Variants in RBFOX1 observed in about 807,000 individuals in gnomAD.
The protein encoded by RBFOX1 is RNA binding protein fox-1 homolog 1.
RBFOX1 carries 8 observed loss-of-function variants against 57.7 expected under a neutral mutation model. The ratio of observed to expected loss-of-function variants is 0.14; its 90% confidence interval spans 0.08 to 0.25. RBFOX1 has a LOEUF of 0.25. Among genes scored for constraint, RBFOX1 ranks in the 10% least tolerant of loss-of-function variants. The pLI is 1.00. For missense variants in RBFOX1, 611 were observed against 548.5 expected, an observed-to-expected ratio of 1.11 and a Z score of -1.14; for synonymous variants, 326 against 222.4, an observed-to-expected ratio of 1.47 and a Z score of -4.15.
At chr16:6,504,197 G>A (rs1236825115) in intron 2 of RBFOX1, among the ~76,000 whole-genome samples, 1 of 152,170 alleles carries the variant, frequency 6.6e-6, no homozygotes, top group African/African-American at 2.4e-5. Context: ...AGCTGTGCAA[G>A]CCTGCATGAT....
intron 1 of RBFOX1, among the ~76,000 whole-genome samples, chr16:6,124,087 C>A (rs544224019): frequency 1.3e-5 from 2 of 152,140 alleles, no homozygotes; most frequent in African/African-American, 2.4e-5. Flanking sequence ...ACTGGTAACT[C>A]GTGGGCTGGA....
intron 4 of RBFOX1, among the ~76,000 whole-genome samples, chr16:7,179,444 GCCT>G (rs2152511005): frequency 6.6e-6 from 1 of 152,118 alleles, no homozygotes; most frequent in Non-Finnish European, 1.5e-5. Context: ...AATTTGTCTG[GCCT>G]CCTCTTGAAC....
rs949781695 is a variant in RBFOX1, at chr16:5,836,298, G to C, written c.319-31005G>C. Among the ~76,000 whole-genome samples, 9 of 152,258 alleles carry C rather than the reference G, an allele frequency of 5.9e-5. No individual in the cohort carries two copies. The East Asian group carries it at 1.4e-3, about 23-fold the overall frequency. On this transcript the variant is annotated intron_variant, in intron 3 of 19. Transcript: ENST00000641259. The stretch of plus-strand genomic sequence containing the variant: ...AAGTCCAGGTAGACAGGCAGGGCAC[G>C]AGAAGTTTAGTGCAGAAAGGAAGCT...
At chr16:5,575,905 C>T (rs2046436754) in intron 2 of RBFOX1, among the ~76,000 whole-genome samples, 1 of 151,242 alleles carries the variant, frequency 6.6e-6, no homozygotes, top group Admixed American at 6.6e-5. Context: ...GCAAATGGGT[C>T]ACGCATGTTT....
At chr16:5,759,467 C>G (rs1183137234) in intron 3 of RBFOX1, among the ~76,000 whole-genome samples, 3 of 152,248 alleles carry the variant, frequency 2.0e-5, no homozygotes, top group Admixed American at 6.5e-5. Context: ...TGCCACGCAG[C>G]TGTATCAGGG....
intron 1 of RBFOX1, among the ~76,000 whole-genome samples, chr16:6,178,175 CTCT>C (rs2097028785): frequency 3.0e-5 from 4 of 133,296 alleles, no homozygotes; most frequent in Admixed American, 2.4e-4. Context: ...CCAAAGGTCA[CTCT>C]TTTTTTTTTT....
At chr16:6,822,780 G>T (rs1040184217) in intron 3 of RBFOX1, among the ~76,000 whole-genome samples, 1 of 152,180 alleles carries the variant, frequency 6.6e-6, no homozygotes, top group Non-Finnish European at 1.5e-5. Flanking sequence ...TGGGACAAGC[G>T]CGAGTATGGT....
intron 14 of RBFOX1, among the ~76,000 whole-genome samples, chr16:7,692,110 C>T (rs948781523): frequency 3.9e-5 from 6 of 151,990 alleles, no homozygotes; most frequent in African/African-American, 7.2e-5. Flanking sequence ...GATATTCATG[C>T]GGCTCAAAAA....
chr16:7,585,436 A>G (rs545803903), intron 6 of RBFOX1, among the ~76,000 whole-genome samples: 3 of 152,200 alleles, frequency 2.0e-5, no homozygotes, highest in East Asian at 1.9e-4. Context: ...CATGCAAGCA[A>G]TGTGACCCCT....
intron 3 of RBFOX1, among the ~76,000 whole-genome samples, chr16:6,702,356 C>G (rs1603444274): frequency 1.3e-5 from 2 of 152,156 alleles, no homozygotes; most frequent in South Asian, 2.1e-4. Context: ...GAGTTCAAGA[C>G]CAGACTGGCC....
At chr16:6,100,225 C>G (rs917621792) in intron 1 of RBFOX1, among the ~76,000 whole-genome samples, 3 of 151,982 alleles carry the variant, frequency 2.0e-5, no homozygotes, top group Admixed American at 1.3e-4. Flanking sequence ...TGCAGTGGCC[C>G]GATCTCGGCT....
chr16:7,301,603 A>G (rs1400851625), intron 4 of RBFOX1, among the ~76,000 whole-genome samples: 3 of 152,114 alleles, frequency 2.0e-5, no homozygotes, highest in Non-Finnish European at 4.4e-5. Flanking sequence ...TACATAATGT[A>G]TTTGTTTTTC....
chr16:7,508,883 C>T (rs139255724), intron 4 of RBFOX1, among the ~76,000 whole-genome samples: 2 of 152,196 alleles, frequency 1.3e-5, no homozygotes, highest in Non-Finnish European at 1.5e-5. Context: ...TAGCAAGGAG[C>T]CTTGGTGATA....
intron 3 of RBFOX1, among the ~76,000 whole-genome samples, chr16:5,609,092 T>C (rs2047686207): frequency 6.6e-6 from 1 of 152,180 alleles, no homozygotes; most frequent in African/African-American, 2.4e-5. Context: ...GGGAGTTCAA[T>C]ATTCTCAGTA....
chr16:6,604,396 T>TAC (rs549325046), intron 2 of RBFOX1, among the ~76,000 whole-genome samples: 220 of 152,328 alleles, frequency 1.4e-3, no homozygotes, highest in Admixed American at 3.5e-3. Context: ...AAGCAGGACT[T>TAC]ACAGTCTTGC....
intron 1 of RBFOX1, among the ~76,000 whole-genome samples, chr16:6,298,462 A>G (rs1268883502): frequency 6.6e-6 from 1 of 152,226 alleles, no homozygotes; most frequent in East Asian, 1.9e-4. Context: ...TTTATTTGAC[A>G]AAGTGTGCTT....
intron 2 of RBFOX1, among the ~76,000 whole-genome samples, chr16:5,484,556 C>G (rs2069658872): frequency 6.6e-6 from 1 of 151,984 alleles, no homozygotes; most frequent in African/African-American, 2.4e-5. Flanking sequence ...GGCAGGAAGA[C>G]TGCTTGAGGC....
intron 7 of RBFOX1, among the ~76,000 whole-genome samples, chr16:7,593,367 C>G (rs1158051812): frequency 1.3e-5 from 2 of 152,146 alleles, no homozygotes; most frequent in African/African-American, 2.4e-5. Context: ...CCCCTAAATT[C>G]TCTCTTTTTT....
chr16:6,558,509 T>C (rs929835502), intron 2 of RBFOX1, among the ~76,000 whole-genome samples: 2 of 152,154 alleles, frequency 1.3e-5, no homozygotes, highest in African/African-American at 2.4e-5. Context: ...TGGAAGGACA[T>C]TGGAAAAATC....
Sources: allele counts gnomAD v4.1 joint callset (sites outside exome capture counted in the v4.1 genomes callset), GRCh38; gene constraint gnomAD v4.1.1; transcripts MANE v1.5; gene names NCBI Gene and HGNC (gene_info 2026-07-23, HGNC 2026-07-21).